The following SKA2 variants were observed in gnomAD, a reference collection of about 807,000 sequenced individuals.
SKA2 encodes the protein spindle and kinetochore associated complex subunit 2.
SKA2 carries 13 observed loss-of-function variants against 16.9 expected under a neutral mutation model. The ratio of observed to expected loss-of-function variants is 0.77; its 90% CI spans 0.50 to 1.22. SKA2 has a LOEUF of 1.22. SKA2 is among the 50% of genes most tolerant of loss of function. The probability of loss-of-function intolerance (pLI) is 0.00; values close to 1 mark genes in which losing one functional copy is unlikely to be tolerated. For synonymous variants in SKA2, 47 were observed against 48.5 expected, an observed-to-expected ratio of 0.97 and a Z score of 0.13; for missense variants, 107 against 139.7, an observed-to-expected ratio of 0.77 and a Z score of 1.18.
chr17:59,114,391 A>G (rs935707937), intron 3 of SKA2, among the ~76,000 whole-genome samples: 1 of 152,196 alleles, frequency 6.6e-6, no homozygotes, highest in Non-Finnish European at 1.5e-5. Context: ...ACAAACAGGG[A>G]TTGTATATAT....
Position 59,131,369 on chromosome 17 carries a change from T to A in SKA2, c.34-2A>T. ...CAGATCAGACTCAGCTTTCTGGAAC[T>A]AAAGATCAGCACAAATCATTATTGT... On this transcript the variant is annotated splice_acceptor_variant, in intron 1 of 3. Transcript: ENST00000330137. LOFTEE classifies it high-confidence loss of function. 3.2e-6 allele frequency: 5 copies of A among 1,553,986 alleles called. No homozygotes were observed. Among genetic ancestry groups the A allele is most frequent in the Non-Finnish European group, 4.4e-6 (5 of 1,145,760 alleles).
chr17:59,141,044 G>A (rs932143223), intron 1 of SKA2, among the ~76,000 whole-genome samples: 3 of 151,500 alleles, frequency 2.0e-5, no homozygotes, highest in Non-Finnish European at 2.9e-5. Flanking sequence ...CGATCCTCCC[G>A]CCTCTGCCTC....
intron 1 of SKA2, among the ~76,000 whole-genome samples, chr17:59,133,720 A>G (rs1340738009): frequency 2.0e-5 from 3 of 152,222 alleles, no homozygotes; most frequent in Non-Finnish European, 4.4e-5. Context: ...AGAATTTCAG[A>G]AATAAACTAG....
In SKA2 at chr17:59,112,154, T is replaced by C. The variant is rs750126392; in HGVS notation, c.*123A>G. On this transcript the variant is annotated 3_prime_UTR_variant, in exon 4 of 4. Coordinates refer to ENST00000330137, the MANE Select transcript of SKA2 (RefSeq NM_182620.4). ...CATGAAAGATATCATTATCCAGTCATTGAAGCCAAACCCCCTTCACCAGCC... is the reference window on the plus strand; with the variant it reads ...CATGAAAGATATCATTATCCAGTCACTGAAGCCAAACCCCCTTCACCAGCC... 1 of 693,556 alleles carries C rather than the reference T, an allele frequency of 1.4e-6. No homozygotes were observed. The highest frequency in any genetic ancestry group is 2.6e-5 in the East Asian group (1 of 38,456). 43.0% of individuals were successfully genotyped at this position (693,556 alleles called of 1,614,324 possible). A position where few individuals can be genotyped will look rare whatever the true frequency, so the allele number is the denominator to read the frequency against.
intron 2 of SKA2, among the ~76,000 whole-genome samples, chr17:59,130,194 T>A (rs1350643854): frequency 6.6e-6 from 1 of 152,092 alleles, no homozygotes; most frequent in African/African-American, 2.4e-5. Context: ...ATTTTCCCAA[T>A]TTTCTATAAA....
chr17:59,154,177 A>AG (rs1714181585), intron 1 of SKA2, among the ~76,000 whole-genome samples: 1 of 151,452 alleles, frequency 6.6e-6, no homozygotes, highest in Admixed American at 6.6e-5. Context: ...CCTGGGAAAA[A>AG]AAAAAAAAAA....
intron 2 of SKA2, among the ~76,000 whole-genome samples, chr17:59,120,389 C>G (rs930185318): frequency 1.3e-5 from 2 of 152,174 alleles, no homozygotes; most frequent in South Asian, 2.1e-4. Context: ...TGGACCCCTT[C>G]TGCCACTTGG....
intron 2 of SKA2, among the ~76,000 whole-genome samples, chr17:59,125,530 G>A (rs574849332): frequency 3.8e-4 from 58 of 151,104 alleles, no homozygotes; most frequent in Non-Finnish European, 4.6e-4. Flanking sequence ...GTGAAACCCC[G>A]TCTCTAATAA....
chr17:59,122,835 C>G lies in SKA2; in HGVS notation c.121-3340G>C, dbSNP rs973992511. ...ATGAGGTTTCGCCATGTTGGCCAGG[C>G]TGGTCTAGAACTCCTGACCTCAGGT... On this transcript the variant is annotated intron_variant, in intron 2 of 3. Transcript: ENST00000330137. Among the ~76,000 whole-genome samples the G allele has an allele frequency of 1.3e-4, 20 of 151,820 alleles. 1 individual carries two copies. The highest frequency in any genetic ancestry group is 1.3e-3 in the Admixed American group (20 of 15,230).
At position 59,112,176 on chromosome 17, in the gene SKA2, A is replaced by C. The variant is rs2046267810; in HGVS notation, c.*101T>G. On this transcript the variant is annotated 3_prime_UTR_variant, in exon 4 of 4. Transcript: ENST00000330137. ...TCATTGAAGCCAAACCCCCTTCACCAGCCCCCAATCTCTAGACATCAAGGG... is the reference window on the plus strand; with the variant it reads ...TCATTGAAGCCAAACCCCCTTCACCCGCCCCCAATCTCTAGACATCAAGGG... 3.4e-6 allele frequency: 3 copies of C among 892,818 alleles called. No individual in the cohort carries two copies. In the South Asian group the frequency reaches 4.7e-5, roughly 14 times the overall value. The allele number at this position is 892,818 out of a possible 1,614,324, so 55.3% of individuals were successfully genotyped here.
Position 59,119,466 on chromosome 17 carries a change from C to T in SKA2, c.150G>A (p.Leu50=), listed in dbSNP as rs1288167842. ...EKNPVTLLKE[L]SVIKSRYQTL... is the part of the protein sequence containing the mutation. Reference sequence around the variant, plus strand: ...TTTGATATCGAGACTTTATCACTGACAATTCCTTTAAGAGTGTAACTGGAT... The same window carrying T: ...TTTGATATCGAGACTTTATCACTGATAATTCCTTTAAGAGTGTAACTGGAT... The change falls in exon 3 of 4, where the codon TTG becomes TTA. Residue 50 remains leucine, a synonymous_variant. Coordinates refer to ENST00000330137, the MANE Select transcript of SKA2 (RefSeq NM_182620.4). The T allele has an allele frequency of 6.2e-7, 1 of 1,613,946 alleles. No homozygotes were observed. The highest frequency in any genetic ancestry group is 2.2e-5 in the East Asian group (1 of 44,870).
At chr17:59,128,170 G>A (rs973582989) in intron 2 of SKA2, among the ~76,000 whole-genome samples, 2 of 151,498 alleles carry the variant, frequency 1.3e-5, no homozygotes, top group Non-Finnish European at 2.9e-5. Flanking sequence ...AGCTGAGATT[G>A]CACCACTGCA....
intron 1 of SKA2, among the ~76,000 whole-genome samples, chr17:59,142,662 C>T (rs2046500135): frequency 1.3e-5 from 2 of 151,364 alleles, no homozygotes; most frequent in South Asian, 2.1e-4. Context: ...TGCAGTGGCT[C>T]ATGCCAGTAA....
intron 1 of SKA2, among the ~76,000 whole-genome samples, chr17:59,138,917 C>T (rs2046466200): frequency 6.6e-6 from 1 of 152,176 alleles, no homozygotes; most frequent in Non-Finnish European, 1.5e-5. Context: ...CTCATTGCCA[C>T]CGTATGCTCT....
intron 1 of SKA2, among the ~76,000 whole-genome samples, chr17:59,153,822 A>G (rs1797071883): frequency 6.6e-6 from 1 of 151,878 alleles, no homozygotes; most frequent in South Asian, 2.1e-4. Flanking sequence ...GCAAGGCCGG[A>G]GTACAGTGAC....
chr17:59,123,461 G>A (rs1022373481), intron 2 of SKA2, among the ~76,000 whole-genome samples: 2 of 151,594 alleles, frequency 1.3e-5, no homozygotes, highest in Non-Finnish European at 2.9e-5. Flanking sequence ...GGAGGCTGAG[G>A]CAGGAGAATC....
Position 59,119,444 on chromosome 17 carries a change from G to A in SKA2, c.172C>T (p.Gln58Ter), listed in dbSNP as rs755784070. 3.1e-6 allele frequency: 5 copies of A among 1,613,976 alleles called. No individual in the cohort carries two copies. Among genetic ancestry groups the A allele is most frequent in the Non-Finnish European group, 4.2e-6 (5 of 1,179,882 alleles). The part of the protein sequence containing the change: ...KELSVIKSRY[Q>*]TLYARFKPVA... ...GGTTTAAAGCGGGCATACAAAGTTT[G>A]ATATCGAGACTTTATCACTGACAAT... The change falls in exon 3 of 4, where the codon CAA (glutamine) becomes TAA (stop). Residue 58 changes from glutamine to a stop codon, truncating the protein, a stop_gained. Coordinates refer to ENST00000330137, the MANE Select transcript of SKA2 (RefSeq NM_182620.4). LOFTEE classifies it high-confidence loss of function.
intron 1 of SKA2, among the ~76,000 whole-genome samples, chr17:59,142,946 A>AG (rs1303316703): frequency 4.6e-5 from 7 of 151,046 alleles, no homozygotes; most frequent in African/African-American, 1.7e-4. Context: ...AAAAAAAAAA[A>AG]AAAGAGAGAG....
intron 2 of SKA2, among the ~76,000 whole-genome samples, chr17:59,127,493 A>T (rs1324646806): frequency 6.6e-6 from 1 of 152,076 alleles, no homozygotes; most frequent in African/African-American, 2.4e-5. Context: ...GGTTCAAGCA[A>T]TTCTCCTATC....
Sources: allele counts gnomAD v4.1 joint callset (sites outside exome capture counted in the v4.1 genomes callset), GRCh38; gene constraint gnomAD v4.1.1; transcripts MANE v1.5; gene names NCBI Gene and HGNC (gene_info 2026-07-23, HGNC 2026-07-21).